The following LMX1A variants were observed in gnomAD, a reference collection of about 807,000 sequenced individuals.
LMX1A encodes LIM homeobox transcription factor 1 alpha, also known as LIM homeobox transcription factor 1-alpha.
A neutral mutation model predicts 49.1 loss-of-function variants in LMX1A; 15 were observed. The ratio of observed to expected loss-of-function variants is 0.31; its 90% CI spans 0.20 to 0.47. LMX1A has a LOEUF of 0.47. Ranked by LOEUF, LMX1A falls within the 20% of genes least tolerant of loss-of-function variation. The pLI is 1.00. For missense variants in LMX1A, 372 were observed against 475.8 expected, an observed-to-expected ratio of 0.78 and a Z score of 2.03; for synonymous variants, 167 against 185.7, an observed-to-expected ratio of 0.90 and a Z score of 0.82.
chr1:165,300,114 GC>G (rs35390641), intron 3 of LMX1A, among the ~76,000 whole-genome samples: 132,265 of 152,048 alleles, frequency 0.87, 57,600 homozygotes, highest in Middle Eastern at 0.91. Context: ...TGCTGAGCAT[GC>G]CCCCCAACGA....
intron 4 of LMX1A, among the ~76,000 whole-genome samples, chr1:165,242,892 T>C (rs1652705533): frequency 7.3e-6 from 1 of 136,310 alleles, no homozygotes. Flanking sequence ...ATTGCGCCAC[T>C]GCACTCCAGA....
intron 4 of LMX1A, among the ~76,000 whole-genome samples, chr1:165,239,073 A>AGC (rs1652551797): frequency 2.6e-4 from 1 of 3,794 alleles, no homozygotes; most frequent in Non-Finnish European, 6.5e-4. Context: ...ATCATGAAAA[A>AGC]ATCATGATGT....
chr1:165,212,187 T>A (rs1651430977), intron 5 of LMX1A, among the ~76,000 whole-genome samples: 1 of 152,232 alleles, frequency 6.6e-6, no homozygotes, highest in Admixed American at 6.5e-5. Flanking sequence ...CAAATATCTA[T>A]CCTTCCCTCC....
At chr1:165,314,356 C>T (rs1655160460) in intron 3 of LMX1A, among the ~76,000 whole-genome samples, 1 of 152,184 alleles carries the variant, frequency 6.6e-6, no homozygotes. Context: ...AAAGCAACTT[C>T]ACCTTTATGC....
chr1:165,324,489 C>A (rs1655512498), intron 3 of LMX1A, among the ~76,000 whole-genome samples: 1 of 152,144 alleles, frequency 6.6e-6, no homozygotes, highest in Non-Finnish European at 1.5e-5. Flanking sequence ...TACATCGAGA[C>A]CCAGAGCAAT....
intron 2 of LMX1A, among the ~76,000 whole-genome samples, chr1:165,354,980 G>T (rs915572927): frequency 6.6e-6 from 1 of 152,132 alleles, no homozygotes; most frequent in African/African-American, 2.4e-5. Context: ...CCAGCCGCGC[G>T]GTCTAATCCC....
chr1:165,353,414 C>CT, intron 2 of LMX1A, 152 bp from the exon 3 acceptor site: 1 of 625,740 alleles, frequency 1.6e-6, no homozygotes, highest in Non-Finnish European at 2.7e-6. Context: ...AAGCTGAAAC[C>CT]TGGAAAAAAT....
At position 165,355,054 on chromosome 1, in the gene LMX1A, G is replaced by A. The variant is rs1266881992; in HGVS notation, c.76+430C>T. ...GGCCTTGCCCATGGCTGAAATTGGG[G>A]CTGGAGTTGGTGGGGGAGAGAAGCC... On this transcript the variant is annotated intron_variant, in intron 2 of 8. Coordinates refer to ENST00000342310, the MANE Select transcript of LMX1A (RefSeq NM_177398.4). This position sits in a 1 kb window ranked among gnomAD's most constrained non-coding sequence, Gnocchi z 4.7. Among the ~76,000 whole-genome samples the A allele has an allele frequency of 6.6e-6, 1 of 152,166 alleles. No individual in the cohort carries two copies. Among genetic ancestry groups the A allele is most frequent in the East Asian group, 1.9e-4 (1 of 5,154 alleles).
chr1:165,233,316 A>C (rs72702414), intron 4 of LMX1A, among the ~76,000 whole-genome samples: 23,774 of 152,162 alleles, frequency 0.16, 1,987 homozygotes, highest in African/African-American at 0.2. Context: ...TTAGCCAGAC[A>C]TGGTGGTACA....
intron 3 of LMX1A, among the ~76,000 whole-genome samples, chr1:165,304,887 A>G (rs1206460640): frequency 1.3e-5 from 2 of 152,156 alleles, no homozygotes; most frequent in Non-Finnish European, 2.9e-5. Context: ...CTCAGGCATC[A>G]TCTCCTTCCA....
chr1:165,287,029 T>C (rs1265812464), intron 3 of LMX1A, among the ~76,000 whole-genome samples: 1 of 152,124 alleles, frequency 6.6e-6, no homozygotes, highest in Admixed American at 6.5e-5. Flanking sequence ...CAATGGGAAT[T>C]AATATTAATA....
chr1:165,333,319 G>A (rs1169968300), intron 3 of LMX1A, among the ~76,000 whole-genome samples: 9 of 152,062 alleles, frequency 5.9e-5, no homozygotes, highest in South Asian at 2.1e-4. Flanking sequence ...CACCACGCCC[G>A]GCTAATTTTT....
intron 3 of LMX1A, among the ~76,000 whole-genome samples, chr1:165,283,344 T>C (rs1654207662): frequency 1.3e-5 from 2 of 152,230 alleles, no homozygotes; most frequent in Admixed American, 6.5e-5. Context: ...GATGTTCACA[T>C]GACAGAATCT....
intron 3 of LMX1A, among the ~76,000 whole-genome samples, chr1:165,294,991 A>C (rs1571207339): frequency 6.6e-6 from 1 of 152,150 alleles, no homozygotes; most frequent in East Asian, 1.9e-4. Flanking sequence ...ACACGCACAT[A>C]ACATTTGCAT....
intron 3 of LMX1A, among the ~76,000 whole-genome samples, chr1:165,256,117 C>T (rs563585361): frequency 2.0e-5 from 3 of 152,300 alleles, no homozygotes; most frequent in Non-Finnish European, 2.9e-5. Flanking sequence ...ACACACTGCT[C>T]GTGGTGCAGG....
chr1:165,287,779 T>A lies in LMX1A; in HGVS notation c.264-38139A>T, dbSNP rs116425161. 7.2e-3 allele frequency among the ~76,000 whole-genome samples: 1,089 copies of A among 152,276 alleles called. 12 individuals are homozygous for A. Among genetic ancestry groups the A allele is most frequent in the African/African-American group, 0.024 (987 of 41,544 alleles). ...TGGCTTTGCTAAAAAAAAATAAAAT[T>A]AAATTAAAAAAATTAAAAACAGACT... On this transcript the variant is annotated intron_variant, in intron 3 of 8. Transcript: ENST00000342310.
chr1:165,207,185 T>C (rs1651121881), intron 7 of LMX1A, among the ~76,000 whole-genome samples: 1 of 152,214 alleles, frequency 6.6e-6, no homozygotes, highest in Non-Finnish European at 1.5e-5. Context: ...GTGACTTACG[T>C]GCATATTAAA....
chr1:165,300,188 A>AT (rs1184437915), intron 3 of LMX1A, among the ~76,000 whole-genome samples: 1 of 152,176 alleles, frequency 6.6e-6, no homozygotes, highest in Non-Finnish European at 1.5e-5. Context: ...CTCAGCTGAA[A>AT]TCCGGAGCAT....
chr1:165,275,847 A>ATGTGTGTGTGTGTG (rs529022372), intron 3 of LMX1A, among the ~76,000 whole-genome samples: 82 of 139,076 alleles, frequency 5.9e-4, no homozygotes, highest in Middle Eastern at 3.6e-3. Flanking sequence ...GTGTGTGTGT[A>ATGTGTGTGTGTGTG]TGTGTGTGTG....
Sources: gnomAD v4.1 joint callset for allele counts (sites outside exome capture counted in the v4.1 genomes callset) on GRCh38, gnomAD v4.1.1 for gene constraint, Gnocchi (gnomAD v3.1) non-coding constraint, MANE v1.5 for transcripts, NCBI Gene and HGNC (gene_info 2026-07-23, HGNC 2026-07-21) for gene names.